The following ITPR3 variants were observed in gnomAD, a reference collection of about 807,000 sequenced individuals.
The protein encoded by ITPR3 is inositol 1,4,5-trisphosphate-gated calcium channel ITPR3.
In ITPR3, 173 loss-of-function variants were observed where a neutral mutation model predicts 293.2. That is an observed-to-expected ratio of 0.59 (90% CI 0.52 to 0.67). The LOEUF (loss-of-function observed/expected upper bound fraction) is 0.67, where lower values mean the gene tolerates loss of function less well. Ranked by LOEUF, ITPR3 falls within the 30% of genes least tolerant of loss-of-function variation. The pLI, the probability that ITPR3 is intolerant of heterozygous loss-of-function variation, is 0.00. For synonymous variants in ITPR3, 1,295 were observed against 1,444.4 expected (o/e 0.90, Z 2.35); for missense variants, 2,796 against 3,592.1 (o/e 0.78, Z 5.66).
intron 1 of ITPR3, among the ~76,000 whole-genome samples, chr6:33,627,976 C>A (rs1052886650): frequency 6.6e-6 from 1 of 152,206 alleles, no homozygotes; most frequent in Non-Finnish European, 1.5e-5. Context: ...TGAATCCTGC[C>A]GGCCTGAAAG....
Position 33,662,899 on chromosome 6 carries a change from G to A in ITPR3, c.859-12G>A, listed in dbSNP as rs149646277. 1,488 of 1,579,078 alleles carry A rather than the reference G, an allele frequency of 9.4e-4. 5 individuals are homozygous for A. Among genetic ancestry groups the A allele is most frequent in the Middle Eastern group, 6.0e-3 (36 of 6,014 alleles). ...AGTCTCTCCTTCCTGCCTCACACCT[G>A]TGTGCCCCTAGGTGGTCCACCACGA... On this transcript the variant is annotated splice_polypyrimidine_tract_variant and intron_variant, in intron 8 of 57. Transcript: ENST00000605930.
At chr6:33,651,276 CAAAAAAA>C (rs11284603) in intron 2 of ITPR3, among the ~76,000 whole-genome samples, 150 of 103,156 alleles carry the variant, frequency 1.5e-3, no homozygotes, top group Non-Finnish European at 2.5e-3. Context: ...GACTCCGTCT[CAAAAAAA>C]AAAAAAAAAA....
chr6:33,630,109 A>C (rs1481877889), intron 1 of ITPR3, among the ~76,000 whole-genome samples: 1 of 152,106 alleles, frequency 6.6e-6, no homozygotes, highest in African/African-American at 2.4e-5. Context: ...AAAACCATCG[A>C]GATCCTGTCA....
At position 33,679,809 on chromosome 6, in the gene ITPR3, GT is replaced by G; in HGVS notation, c.3973-72del. On this transcript the variant is annotated intron_variant, in intron 30 of 57. Transcript: ENST00000605930. The surrounding 1 kb of genome is among the most constrained non-coding windows in gnomAD (Gnocchi z 4.2). ...TGGTCAGAGTCCCAGTTTCTCCCTG[GT>G]AAGCAACGGAGAGGAGAGCCCAGGG... 1 of 1,531,634 alleles carries G rather than the reference GT, an allele frequency of 6.5e-7. No individual in the cohort carries two copies. Among genetic ancestry groups the G allele is most frequent in the Non-Finnish European group, 8.8e-7 (1 of 1,135,058 alleles). 94.9% of individuals were successfully genotyped at this position (1,531,634 alleles called of 1,614,324 possible).
chr6:33,625,696 A>G (rs1371109677), intron 1 of ITPR3, among the ~76,000 whole-genome samples: 2 of 152,064 alleles, frequency 1.3e-5, no homozygotes, highest in Admixed American at 1.3e-4. Context: ...GGGCCTCTGG[A>G]CCTGGATCAC....
chr6:33,673,439 TC>T, intron 22 of ITPR3, 151 bp from the exon 23 acceptor site: 2 of 970,078 alleles, frequency 2.1e-6, no homozygotes, highest in Non-Finnish European at 3.1e-6. Context: ...TCCTGGAGCA[TC>T]CCAAATGACT....
chr6:33,694,848 C>A (rs111385561), intron 56 of ITPR3, 76 bp from the exon 57 acceptor site: 78 of 1,576,618 alleles, frequency 4.9e-5, no homozygotes, highest in African/African-American at 2.4e-4. Flanking sequence ...AGCCTCCCCC[C>A]ACATTACTGT....
Position 33,689,403 on chromosome 6 carries a change from C to G in ITPR3, c.6860C>G (p.Ala2287Gly). The change falls in exon 50 of 58, where the codon GCC becomes GGC. Residue 2287 changes from alanine to glycine, a missense_variant. Transcript: ENST00000605930. ...GGGCCCACACTCAACATCCTGGGTG[C>G]CCTCAATGTGAGTGCCAGAGGGAGC... ...GIGPTLNILG[A>G]LNLTNKIVFV... 6.2e-7 allele frequency: 1 copy of G among 1,609,218 alleles called. No homozygotes were observed. Among genetic ancestry groups the G allele is most frequent in the East Asian group, 2.2e-5 (1 of 44,882 alleles).
chr6:33,625,977 C>T (rs1763541500), intron 1 of ITPR3, among the ~76,000 whole-genome samples: 1 of 152,198 alleles, frequency 6.6e-6, no homozygotes, highest in Admixed American at 6.5e-5. Flanking sequence ...CTTTGTCACC[C>T]AGGCTGGAAT....
In ITPR3 at chr6:33,624,191, T is replaced by A. The variant is rs1763503499; in HGVS notation, c.89+2500T>A. On this transcript the variant is annotated intron_variant, in intron 1 of 57. Transcript: ENST00000605930. This position sits in a 1 kb window ranked among gnomAD's most constrained non-coding sequence, Gnocchi z 4.7. ...TCCTCTATGCTTTTGAACTGCTTTG[T>A]ACAAACCACTCTCTGGTGTTCCTCA... Among the ~76,000 whole-genome samples the A allele has an allele frequency of 6.6e-6, 1 of 152,258 alleles. No individual in the cohort carries two copies. The highest frequency in any genetic ancestry group is 1.5e-5 in the Non-Finnish European group (1 of 68,050).
rs763414125 is a variant in ITPR3, at chr6:33,690,030, C to T, written c.6868-4C>T. 22 of 1,614,210 alleles carry T rather than the reference C, an allele frequency of 1.4e-5. No homozygotes were observed. The East Asian group carries it at 4.9e-4, about 36-fold the overall frequency. On this transcript the variant is annotated splice_region_variant and splice_polypyrimidine_tract_variant and intron_variant, in intron 50 of 57. Transcript: ENST00000605930. ...TGACTCTCATGCCTTGCACTCGCCCCCAGCTGACCAACAAGATCGTGTTTG... is the reference window on the plus strand; with the variant it reads ...TGACTCTCATGCCTTGCACTCGCCCTCAGCTGACCAACAAGATCGTGTTTG...
Position 33,665,851 on chromosome 6 carries a change from C to T in ITPR3, c.1426C>T (p.Leu476=). Residue 476 remains leucine, a synonymous_variant, in exon 14 of 58, where the codon CTG becomes TTG. Transcript: ENST00000605930. ...CTCACCCAGGTTTGTCATCCAGCTG[C>T]TGGAAGACCTGGTGTTCTTTGTCAG... ...QNDRRFVIQL[L]EDLVFFVSDV... The T allele has an allele frequency of 6.2e-7, 1 of 1,614,120 alleles. No individual in the cohort carries two copies. The highest frequency in any genetic ancestry group is 8.5e-7 in the Non-Finnish European group (1 of 1,179,950).
chr6:33,683,869 C>A lies in ITPR3; in HGVS notation c.4789-151C>A. On this transcript the variant is annotated intron_variant, in intron 35 of 57. Transcript: ENST00000605930. This position sits in a 1 kb window ranked among gnomAD's most constrained non-coding sequence, Gnocchi z 4.5. ...GCCAGGGCTCTGAGCAGACAGACAT[C>A]ACGCTGTGTTCAGGGTGTCTCTGTG... The A allele has an allele frequency of 1.2e-6, 1 of 822,544 alleles. No homozygotes were observed. Among genetic ancestry groups the A allele is most frequent in the Non-Finnish European group, 1.9e-6 (1 of 540,096 alleles). The allele number at this position is 822,544 out of a possible 1,614,324, so 51.0% of individuals were successfully genotyped here. A position where few individuals can be genotyped will look rare whatever the true frequency, so the allele number is the denominator to read the frequency against.
intron 16 of ITPR3, among the ~76,000 whole-genome samples, chr6:33,668,177 C>T (rs900266464): frequency 6.6e-6 from 1 of 152,212 alleles, no homozygotes; most frequent in Non-Finnish European, 1.5e-5. Flanking sequence ...ATGGGAATGA[C>T]TCCTTGTACC....
chr6:33,626,457 T>G (rs1346815902), intron 1 of ITPR3, among the ~76,000 whole-genome samples: 1 of 152,196 alleles, frequency 6.6e-6, no homozygotes, highest in Non-Finnish European at 1.5e-5. Flanking sequence ...AATGAGTACC[T>G]GGGGCCGGGA....
intron 1 of ITPR3, among the ~76,000 whole-genome samples, chr6:33,622,846 T>C (rs939232286): frequency 6.6e-6 from 1 of 152,120 alleles, no homozygotes; most frequent in Non-Finnish European, 1.5e-5. Context: ...AGGGAATGGA[T>C]TGTGGGATTG....
intron 1 of ITPR3, among the ~76,000 whole-genome samples, chr6:33,631,593 T>C (rs1420395135): frequency 6.6e-6 from 1 of 152,148 alleles, no homozygotes; most frequent in Non-Finnish European, 1.5e-5. Context: ...AGCATGAAAG[T>C]GGACAAGGAG....
Position 33,685,553 on chromosome 6 carries a change from G to C in ITPR3, c.5482+20G>C. ...CCAAAGGTCAGGGGTCTGAGGCAGA[G>C]GCACGGCGTGACGGGGATCCCAGGA... is the stretch of plus-strand genomic sequence containing the variant. On this transcript the variant is annotated intron_variant, in intron 40 of 57. Transcript: ENST00000605930. The C allele has an allele frequency of 6.2e-7, 1 of 1,607,506 alleles. No individual in the cohort carries two copies. Among genetic ancestry groups the C allele is most frequent in the Non-Finnish European group, 8.5e-7 (1 of 1,174,756 alleles).
chr6:33,682,546 A>G lies in ITPR3; in HGVS notation c.4499A>G (p.Gln1500Arg), dbSNP rs1765105603. ...SLQTHQTIVV[Q>R]LLQSTTRLLE... Reference sequence around the variant, plus strand: ...CAGACACACCAGACGATTGTGGTGCAGCTGCTGCAGTCTACCACACGCCTC... The same window carrying G: ...CAGACACACCAGACGATTGTGGTGCGGCTGCTGCAGTCTACCACACGCCTC... The change falls in exon 34 of 58, where the codon CAG becomes CGG. Residue 1500 changes from glutamine (Q) to arginine (R), a missense_variant. Around this residue, in one of 8 missense-constraint regions of ITPR3, gnomAD observed 704 missense variants for 797.5 expected, o/e 0.88. Transcript: ENST00000605930. The surrounding 1 kb of genome is among the most constrained non-coding windows in gnomAD (Gnocchi z 5.4). 2.6e-6 allele frequency: 4 copies of G among 1,550,124 alleles called. No homozygotes were observed. The East Asian group carries it at 1.0e-4, about 39-fold the overall frequency.
Sources: gnomAD v4.1 joint callset for allele counts (sites outside exome capture counted in the v4.1 genomes callset) on GRCh38, gnomAD v4.1.1 for gene constraint, gnomAD v4.1.1 regional missense constraint, Gnocchi (gnomAD v3.1) non-coding constraint, MANE v1.5 for transcripts, NCBI Gene and HGNC (gene_info 2026-07-23, HGNC 2026-07-21) for gene names.